The following CX3CL1 variants were observed in gnomAD, a reference collection of about 807,000 sequenced individuals.
The protein encoded by CX3CL1 is C-X3-C motif chemokine ligand 1, also known as fractalkine.
CX3CL1 carries 1 observed loss-of-function variant against 14.1 expected under a neutral mutation model. The ratio of observed to expected loss-of-function variants is 0.07; its 90% CI spans 0.03 to 0.34. CX3CL1 has a LOEUF of 0.34. CX3CL1 is among the 10% of genes least tolerant of loss of function. The probability of loss-of-function intolerance (pLI) is 0.99; values close to 1 mark genes in which losing one functional copy is unlikely to be tolerated. For synonymous variants in CX3CL1, 255 were observed against 229.6 expected (o/e 1.11, Z -1.00); for missense variants, 505 against 536.4 (o/e 0.94, Z 0.58).
chr16:57,379,564 A>T (rs1269957763), intron 1 of CX3CL1, 70 bp from the exon 2 acceptor site: 1 of 1,603,966 alleles, frequency 6.2e-7, no homozygotes, highest in Non-Finnish European at 8.5e-7. Context: ...GGCCGGGACA[A>T]TCTGGCACGG....
At chr16:57,376,725 A>T (rs1200679118) in intron 1 of CX3CL1, among the ~76,000 whole-genome samples, 1 of 151,966 alleles carries the variant, frequency 6.6e-6, no homozygotes, top group Non-Finnish European at 1.5e-5. Context: ...TAGAAGATTG[A>T]TAAGAGTGGG....
At position 57,382,974 on chromosome 16, in the gene CX3CL1, G is replaced by A. The variant is rs1902355389; in HGVS notation, c.1136G>A (p.Gly379Asp). The A allele has an allele frequency of 1.3e-6, 2 of 1,506,694 alleles. No homozygotes were observed. The highest frequency in any genetic ancestry group is 4.5e-5 in the Admixed American group (2 of 44,170). The allele number at this position is 1,506,694 out of a possible 1,614,324, so 93.3% of individuals were successfully genotyped here. A position where few individuals can be genotyped will look rare whatever the true frequency, so the allele number is the denominator to read the frequency against. Reference protein sequence around the residue: ...PRKMAGEMAEGLRYIPRSCGS... With the variant: ...PRKMAGEMAEDLRYIPRSCGS... ...AAGATGGCAGGAGAGATGGCGGAGG[G>A]CCTTCGCTACATCCCCCGGAGCTGT... The change falls in exon 3 of 3, where the codon GGC (glycine) becomes GAC (aspartate). Residue 379 changes from glycine to aspartate, a missense_variant. By Grantham distance (94) the Gly-to-Asp change is moderately conservative (BLOSUM62 -1). Transcript: ENST00000006053. The surrounding 1 kb of genome is among the most constrained non-coding windows in gnomAD (Gnocchi z 6.9).
Position 57,382,639 on chromosome 16 carries a change from C to T in CX3CL1, c.801C>T (p.Pro267=), listed in dbSNP as rs750170097. Residue 267 remains proline, a synonymous_variant, in exon 3 of 3, where the codon CCC becomes CCT. Coordinates refer to ENST00000006053, the MANE Select transcript of CX3CL1 (RefSeq NM_002996.6). This position sits in a 1 kb window ranked among gnomAD's most constrained non-coding sequence, Gnocchi z 6.9. The part of the protein sequence containing the change: ...ENSLEREEMG[P]VPAHTDAFQD... ...CTCTGGAGCGGGAGGAGATGGGTCC[C>T]GTGCCAGCGCACACGGATGCCTTCC... The T allele has an allele frequency of 1.5e-4, 241 of 1,613,484 alleles. No homozygotes were observed. The highest frequency in any genetic ancestry group is 1.8e-4 in the Non-Finnish European group (217 of 1,179,766).
chr16:57,380,965 C>A (rs1199381062), intron 2 of CX3CL1, among the ~76,000 whole-genome samples: 1 of 152,186 alleles, frequency 6.6e-6, no homozygotes, highest in Non-Finnish European at 1.5e-5. Flanking sequence ...TCCTGCCGGA[C>A]CTCTTTGCTG....
Position 57,382,419 on chromosome 16 carries a change from C to T in CX3CL1, c.581C>T (p.Ala194Val). Residue 194 changes from alanine (A) to valine (V), a missense_variant, in exon 3 of 3, where the codon GCC (alanine) becomes GTC (valine). Ala to Val is a moderately conservative substitution (Grantham distance 64). Transcript: ENST00000006053. The surrounding 1 kb of genome is among the most constrained non-coding windows in gnomAD (Gnocchi z 6.9). ...ELFRVPPVST[A>V]ATWQSSAPHQ... is the part of the protein sequence containing the mutation. ...TTCCGAGTGCCTCCCGTCTCCACTGCCGCCACGTGGCAGAGTTCTGCTCCC... is the reference window on the plus strand; with the variant it reads ...TTCCGAGTGCCTCCCGTCTCCACTGTCGCCACGTGGCAGAGTTCTGCTCCC... The T allele has an allele frequency of 6.2e-7, 1 of 1,612,650 alleles. No homozygotes were observed. Among genetic ancestry groups the T allele is most frequent in the Non-Finnish European group, 8.5e-7 (1 of 1,179,978 alleles).
chr16:57,381,878 C>A, intron 2 of CX3CL1, 152 bp from the exon 3 acceptor site: 2 of 743,242 alleles, frequency 2.7e-6, no homozygotes, highest in Non-Finnish European at 4.1e-6. Flanking sequence ...GTTGCCCCAG[C>A]TGGTCAGTTG....
At chr16:57,377,016 G>C (rs1902256191) in intron 1 of CX3CL1, 1 of 152,220 alleles carries the variant, frequency 6.6e-6, no homozygotes, top group African/African-American at 2.4e-5. Context: ...GCAGAACCAA[G>C]AACTGAGCCG....
Position 57,383,173 on chromosome 16 carries a change from C to A in CX3CL1, c.*141C>A. The A allele has an allele frequency of 2.7e-6, 2 of 752,686 alleles. No individual in the cohort carries two copies. The highest frequency in any genetic ancestry group is 5.3e-5 in the South Asian group (1 of 19,042). 46.6% of individuals were successfully genotyped at this position (752,686 alleles called of 1,614,324 possible). A position where few individuals can be genotyped will look rare whatever the true frequency, so the allele number is the denominator to read the frequency against. On this transcript the variant is annotated 3_prime_UTR_variant, in exon 3 of 3. Transcript: ENST00000006053. The stretch of plus-strand genomic sequence containing the variant: ...TGGGATCCTCCAGGTGCACAAGCTC[C>A]AAGCTCCCAGGCATTCCCCAGGAGG...
chr16:57,373,472 C>T (rs1902206013), intron 1 of CX3CL1, among the ~76,000 whole-genome samples: 1 of 152,212 alleles, frequency 6.6e-6, no homozygotes, highest in Non-Finnish European at 1.5e-5. Flanking sequence ...TGGGCCACAT[C>T]ACCTCCATGA....
intron 1 of CX3CL1, chr16:57,377,685 G>T (rs1567553314): frequency 6.6e-6 from 1 of 152,176 alleles, no homozygotes; most frequent in Non-Finnish European, 1.5e-5. Flanking sequence ...TTCTGGTGGA[G>T]CCCAGGGATG....
rs1450555488 is a variant in CX3CL1, at chr16:57,373,107, A to T, written c.70+469A>T. Among the ~76,000 whole-genome samples the T allele has an allele frequency of 2.0e-5, 3 of 152,120 alleles. No individual in the cohort carries two copies. The East Asian group carries it at 5.8e-4, about 29-fold the overall frequency. On this transcript the variant is annotated intron_variant, in intron 1 of 2. Coordinates refer to ENST00000006053, the MANE Select transcript of CX3CL1 (RefSeq NM_002996.6). ...CTCCTGTCCTGTTTTCAAAGCCCCC[A>T]GGATTAGGGGGCCCAGGACCAGTGA...
At chr16:57,379,575 G>T (rs748038437) in intron 1 of CX3CL1, 59 bp from the exon 2 acceptor site, 1 of 1,610,112 alleles carries the variant, frequency 6.2e-7, no homozygotes, top group Non-Finnish European at 8.5e-7. Flanking sequence ...TCTGGCACGG[G>T]GTTGGGAAGC....
chr16:57,375,112 C>T (rs1365452747), intron 1 of CX3CL1, among the ~76,000 whole-genome samples: 1 of 149,656 alleles, frequency 6.7e-6, no homozygotes, highest in African/African-American at 2.5e-5. Flanking sequence ...TGCACTCCAG[C>T]CTGGGTGACA....
In CX3CL1 at chr16:57,384,427, C is replaced by G. The variant is rs1194676516; in HGVS notation, c.*1395C>G. The G allele has an allele frequency of 1.4e-4, 22 of 152,394 alleles. No homozygotes were observed. Among genetic ancestry groups the G allele is most frequent in the African/African-American group, 5.3e-4 (22 of 41,474 alleles). The allele number at this position is 152,394 out of a possible 1,614,324, so 9.4% of individuals were successfully genotyped here. ...TAAAGTCAGGGGTTCCCTTTTTTGG[C>G]TGCTGAAGGCTCGAGCATGCCTGGA... On this transcript the variant is annotated 3_prime_UTR_variant, in exon 3 of 3. Coordinates refer to ENST00000006053, the MANE Select transcript of CX3CL1 (RefSeq NM_002996.6).
Position 57,382,193 on chromosome 16 carries a change from G to A in CX3CL1, c.355G>A (p.Gly119Arg), listed in dbSNP as rs147669719. The A allele has an allele frequency of 6.9e-5, 112 of 1,613,310 alleles. No individual in the cohort carries two copies. In the African/African-American group the frequency reaches 7.9e-4, roughly 11 times the overall value. Residue 119 changes from glycine (G) to arginine (R), a missense_variant, in exon 3 of 3, where the codon GGG (glycine) becomes AGG (arginine). By Grantham distance (125) the Gly-to-Arg change is moderately radical. Coordinates refer to ENST00000006053, the MANE Select transcript of CX3CL1 (RefSeq NM_002996.6). This position sits in a 1 kb window ranked among gnomAD's most constrained non-coding sequence, Gnocchi z 6.9. ...GAAGCCCAGGACCACCCCTGCCGCC[G>A]GGGGAATGGACGAGTCTGTGGTCCT... is the stretch of plus-strand genomic sequence containing the variant. ...EVKPRTTPAA[G>R]GMDESVVLEP... is the part of the protein sequence containing the mutation.
intron 1 of CX3CL1, 192 bp from the exon 2 acceptor site, chr16:57,379,442 A>G (rs998350436): frequency 1.2e-5 from 7 of 574,750 alleles, no homozygotes; most frequent in African/African-American, 1.9e-5. Flanking sequence ...TTTTGTTCCT[A>G]TTTTACAGGT....
chr16:57,375,162 GAAAAGA>G (rs796577184), intron 1 of CX3CL1, among the ~76,000 whole-genome samples: 95 of 149,998 alleles, frequency 6.3e-4, no homozygotes, highest in African/African-American at 2.2e-3. Context: ...AGAAAGAAAA[GAAAAGA>G]AAAAGAAAAA....
At chr16:57,376,508 A>G (rs1261711059) in intron 1 of CX3CL1, among the ~76,000 whole-genome samples, 1 of 148,490 alleles carries the variant, frequency 6.7e-6, no homozygotes. Flanking sequence ...AGATGGATGA[A>G]TGGATGGATG....
chr16:57,382,335 G>C lies in CX3CL1; in HGVS notation c.497G>C (p.Gly166Ala). 6.2e-7 allele frequency: 1 copy of C among 1,604,026 alleles called. No homozygotes were observed. The highest frequency in any genetic ancestry group is 8.5e-7 in the Non-Finnish European group (1 of 1,176,376). Residue 166 changes from glycine to alanine, a missense_variant, in exon 3 of 3, where the codon GGG becomes GCG. By Grantham distance (60) the Gly-to-Ala change is moderately conservative. Transcript: ENST00000006053. This position sits in a 1 kb window ranked among gnomAD's most constrained non-coding sequence, Gnocchi z 6.9. ...ELPTGVTGSS[G>A]TRLPPTPKAQ... Reference sequence around the variant, plus strand: ...CCGACGGGCGTGACTGGTTCCTCAGGGACCAGGCTCCCCCCGACGCCAAAG... The same window carrying C: ...CCGACGGGCGTGACTGGTTCCTCAGCGACCAGGCTCCCCCCGACGCCAAAG...
Sources: gnomAD v4.1 joint callset for allele counts (sites outside exome capture counted in the v4.1 genomes callset) on GRCh38, gnomAD v4.1.1 for gene constraint, Gnocchi (gnomAD v3.1) non-coding constraint, MANE v1.5 for transcripts, NCBI Gene and HGNC (gene_info 2026-07-23, HGNC 2026-07-21) for gene names.